SLC9A9: variants seen among roughly 807,000 people sequenced by gnomAD.
SLC9A9 encodes the protein sodium/hydrogen exchanger 9.
A neutral mutation model predicts 77.8 loss-of-function variants in SLC9A9; 62 were observed. The observed-to-expected ratio is 0.80, with a 90% CI of 0.65 to 0.98. The LOEUF (loss-of-function observed/expected upper bound fraction) is 0.98, where lower values mean the gene tolerates loss of function less well. SLC9A9 is among the 50% of genes least tolerant of loss of function. SLC9A9 has a pLI of 0.00. For missense variants in SLC9A9, 775 were observed against 774.9 expected, an observed-to-expected ratio of 1.00 and a Z score of 0.00; for synonymous variants, 320 against 283.5, an observed-to-expected ratio of 1.13 and a Z score of -1.29.
At chr3:143,715,474 C>T (rs140234140) in intron 4 of SLC9A9, among the ~76,000 whole-genome samples, 188 of 152,328 alleles carry the variant, frequency 1.2e-3, no homozygotes, top group African/African-American at 3.8e-3. Flanking sequence ...TGAAAGAATA[C>T]GATCTCCTTA....
At chr3:143,681,048 C>A (rs1299503670) in intron 5 of SLC9A9, among the ~76,000 whole-genome samples, 1 of 152,130 alleles carries the variant, frequency 6.6e-6, no homozygotes, top group Non-Finnish European at 1.5e-5. Context: ...GTGACATATT[C>A]CACAAGCTTT....
chr3:143,479,443 G>T (rs1228194585), intron 11 of SLC9A9, among the ~76,000 whole-genome samples: 1 of 151,818 alleles, frequency 6.6e-6, no homozygotes, highest in African/African-American at 2.4e-5. Context: ...TGTAGAGATG[G>T]GGTCTTGTTT....
rs192443612 is a variant in SLC9A9 at position 143,335,925 on chromosome 3, C to A, written c.1604+27559G>T. Among the ~76,000 whole-genome samples, 74 of 152,166 alleles carry A rather than the reference C, an allele frequency of 4.9e-4. 1 individual carries two copies. Among genetic ancestry groups the A allele is most frequent in the African/African-American group, 1.5e-3 (64 of 41,540 alleles). ...TAGACAAATGGTACTACATCTTCTA[C>A]ATAAATTTAAAAACTTCTGCACATC... On this transcript the variant is annotated intron_variant, in intron 14 of 15. Coordinates refer to ENST00000316549, the MANE Select transcript of SLC9A9 (RefSeq NM_173653.4).
intron 14 of SLC9A9, among the ~76,000 whole-genome samples, chr3:143,317,831 G>C (rs12494318): frequency 0.55 from 82,887 of 151,522 alleles, 24,172 homozygotes; most frequent in African/African-American, 0.76. Context: ...AGGTTCATGC[G>C]ATTCTCCTGC....
At chr3:143,549,983 GC>G (rs1435622495) in intron 9 of SLC9A9, among the ~76,000 whole-genome samples, 3 of 152,120 alleles carry the variant, frequency 2.0e-5, no homozygotes, top group Non-Finnish European at 4.4e-5. Context: ...TGTTTGGGGG[GC>G]TTTTTTCTTT....
rs555042706 is a variant in SLC9A9 at position 143,593,879 on chromosome 3, C to T, written c.756-15156G>A. Among the ~76,000 whole-genome samples, 3 of 152,290 alleles carry T rather than the reference C, an allele frequency of 2.0e-5. 1 individual carries two copies. The highest frequency in any genetic ancestry group is 7.2e-5 in the African/African-American group (3 of 41,562). ...CATGGGAAAAGTATGATAAACCCCA[C>T]AAACCTAATGCCAGAATGTGGGGAC... On this transcript the variant is annotated intron_variant, in intron 6 of 15. Transcript: ENST00000316549.
chr3:143,300,538 T>A (rs1405053855), intron 14 of SLC9A9, among the ~76,000 whole-genome samples: 1 of 152,254 alleles, frequency 6.6e-6, no homozygotes, highest in East Asian at 1.9e-4. Context: ...ATGCAGATTC[T>A]GATTCAGTAG....
intron 9 of SLC9A9, among the ~76,000 whole-genome samples, chr3:143,541,955 T>C (rs1437669196): frequency 1.3e-5 from 2 of 152,212 alleles, no homozygotes; most frequent in Non-Finnish European, 2.9e-5. Context: ...TATTTCTCCC[T>C]GGGTCCCAGT....
intron 14 of SLC9A9, among the ~76,000 whole-genome samples, chr3:143,273,050 G>A (rs1937940787): frequency 6.6e-6 from 1 of 152,180 alleles, no homozygotes; most frequent in Admixed American, 6.5e-5. Context: ...CAAAATACCT[G>A]GTGACATTGA....
In SLC9A9 at chr3:143,693,426, T is replaced by G. The variant is rs12488981; in HGVS notation, c.534-119A>C. ...ACGTATCATGCACAAATTGCCACCA[T>G]CCTGCCAAATGACAGCCGTGCTAGG... On this transcript the variant is annotated intron_variant, in intron 4 of 15. Transcript: ENST00000316549. 6.1e-4 allele frequency: 484 copies of G among 797,240 alleles called. 6 individuals carry two copies. In the East Asian group the frequency reaches 0.013, roughly 21 times the overall value. 49.4% of individuals were successfully genotyped at this position (797,240 alleles called of 1,614,324 possible). A position where few individuals can be genotyped will look rare whatever the true frequency, so the allele number is the denominator to read the frequency against.
chr3:143,417,492 AGAGG>A (rs772526317), intron 12 of SLC9A9, among the ~76,000 whole-genome samples: 3 of 95,916 alleles, frequency 3.1e-5, no homozygotes, highest in Non-Finnish European at 6.2e-5. Context: ...GAGCGGGGGG[AGAGG>A]GAGGGAGGAG....
intron 9 of SLC9A9, chr3:143,517,667 C>T (rs914345805): frequency 2.8e-5 from 45 of 1,597,350 alleles, no homozygotes; most frequent in Admixed American, 8.3e-5. Context: ...TGCTTTCGCC[C>T]GCCACTTGTA....
chr3:143,495,504 T>G, intron 9 of SLC9A9, 56 bp from the exon 10 acceptor site: 1 of 1,299,948 alleles, frequency 7.7e-7, no homozygotes, highest in Non-Finnish European at 1.1e-6. Context: ...TTGAGTGCAC[T>G]TACTTTCTGG....
chr3:143,745,258 G>A (rs1263931078), intron 4 of SLC9A9, among the ~76,000 whole-genome samples: 1 of 152,060 alleles, frequency 6.6e-6, no homozygotes, highest in African/African-American at 2.4e-5. Context: ...TAAAAACCAA[G>A]ATGTTTTTAT....
intron 14 of SLC9A9, among the ~76,000 whole-genome samples, chr3:143,354,043 A>G (rs1310157984): frequency 1.3e-5 from 2 of 152,140 alleles, no homozygotes; most frequent in Non-Finnish European, 2.9e-5. Context: ...CTTGACTTCA[A>G]AGGCTTATTC....
chr3:143,640,209 G>A (rs902847078), intron 6 of SLC9A9, among the ~76,000 whole-genome samples: 4 of 152,054 alleles, frequency 2.6e-5, no homozygotes, highest in Non-Finnish European at 5.9e-5. Flanking sequence ...TTTTAGTAGA[G>A]ACGCAGTTTC....
At chr3:143,655,166 C>G (rs1317094919) in intron 5 of SLC9A9, among the ~76,000 whole-genome samples, 1 of 152,210 alleles carries the variant, frequency 6.6e-6, no homozygotes, top group Non-Finnish European at 1.5e-5. Context: ...GAGCTTGGAG[C>G]TTTTAAAAAA....
At chr3:143,630,808 T>C (rs1471296072) in intron 6 of SLC9A9, among the ~76,000 whole-genome samples, 1 of 152,186 alleles carries the variant, frequency 6.6e-6, no homozygotes, top group Non-Finnish European at 1.5e-5. Flanking sequence ...TAAGATTATT[T>C]ATCAGTTAAT....
chr3:143,681,804 T>C (rs1421903572), intron 5 of SLC9A9, among the ~76,000 whole-genome samples: 1 of 152,206 alleles, frequency 6.6e-6, no homozygotes, highest in African/African-American at 2.4e-5. Flanking sequence ...CCTTCTGTGA[T>C]AGCAGTCCTC....
Sources: allele counts gnomAD v4.1 joint callset (sites outside exome capture counted in the v4.1 genomes callset), GRCh38; gene constraint gnomAD v4.1.1; transcripts MANE v1.5; gene names NCBI Gene and HGNC (gene_info 2026-07-23, HGNC 2026-07-21).